The following ATP9B variants were observed in gnomAD, a reference collection of about 807,000 sequenced individuals.
The protein encoded by ATP9B is ATPase phospholipid transporting 9B.
In ATP9B, 110 loss-of-function variants were observed where a neutral mutation model predicts 146.1. The ratio of observed to expected loss-of-function variants is 0.75; its 90% confidence interval spans 0.65 to 0.88. The LOEUF (loss-of-function observed/expected upper bound fraction) is 0.88, where lower values mean the gene tolerates loss of function less well. ATP9B is among the 40% of genes least tolerant of loss of function. The pLI, the probability that ATP9B is intolerant of heterozygous loss-of-function variation, is 0.00. For missense variants in ATP9B, 1,499 were observed against 1,496.4 expected (o/e 1.00, Z -0.03); for synonymous variants, 604 against 569.7 (o/e 1.06, Z -0.86).
At chr18:79,373,806 G>A in intron 27 of ATP9B, 92 bp from the exon 28 acceptor site, 1 of 1,345,794 alleles carries the variant, frequency 7.4e-7, no homozygotes, top group Non-Finnish European at 1.1e-6. Context: ...TATTTTTAAG[G>A]GTCTTGAGTG....
chr18:79,225,569 A>G (rs2095721082), intron 11 of ATP9B, among the ~76,000 whole-genome samples: 1 of 152,174 alleles, frequency 6.6e-6, no homozygotes, highest in African/African-American at 2.4e-5. Context: ...CACTGTCTTC[A>G]GCGTCTGAGT....
chr18:79,339,576 G>A (rs2096847040), intron 19 of ATP9B, among the ~76,000 whole-genome samples: 1 of 151,790 alleles, frequency 6.6e-6, no homozygotes, highest in African/African-American at 2.4e-5. Context: ...GATCGCAGTA[G>A]GAAGTATATC....
At chr18:79,184,065 T>C (rs2095280178) in intron 8 of ATP9B, among the ~76,000 whole-genome samples, 1 of 152,166 alleles carries the variant, frequency 6.6e-6, no homozygotes, top group African/African-American at 2.4e-5. Context: ...TATTTATATG[T>C]TTTCTTTTAT....
At chr18:79,189,603 AG>A (rs2095343357) in intron 8 of ATP9B, among the ~76,000 whole-genome samples, 1 of 152,256 alleles carries the variant, frequency 6.6e-6, no homozygotes, top group Non-Finnish European at 1.5e-5. Context: ...CCTTACAATA[AG>A]GTAAGCTAGA....
At chr18:79,084,609 A>G (rs8086462) in intron 1 of ATP9B, among the ~76,000 whole-genome samples, 5,469 of 152,226 alleles carry the variant, frequency 0.036, 331 homozygotes, top group African/African-American at 0.12. Context: ...CAGCCTAGAT[A>G]TCCACATTGG....
At chr18:79,201,673 A>C (rs1362667459) in intron 9 of ATP9B, among the ~76,000 whole-genome samples, 1 of 152,020 alleles carries the variant, frequency 6.6e-6, no homozygotes, top group Non-Finnish European at 1.5e-5. Flanking sequence ...TTGTTCAAGC[A>C]ATTCTCCTGC....
At chr18:79,161,400 T>C (rs906433684) in intron 7 of ATP9B, among the ~76,000 whole-genome samples, 2 of 152,216 alleles carry the variant, frequency 1.3e-5, no homozygotes, top group Non-Finnish European at 2.9e-5. Flanking sequence ...GCATGCTGGA[T>C]TTTTTATTGT....
intron 15 of ATP9B, among the ~76,000 whole-genome samples, chr18:79,321,322 G>A (rs1464006123): frequency 6.6e-6 from 1 of 152,150 alleles, no homozygotes; most frequent in Non-Finnish European, 1.5e-5. Flanking sequence ...CAGGAGCAAA[G>A]ATGCTAAAAG....
rs114510684 is a variant in ATP9B at position 79,091,813 on chromosome 18, C to T, written c.120-4663C>T. 5.2e-3 allele frequency among the ~76,000 whole-genome samples: 791 copies of T among 152,258 alleles called. 5 individuals carry two copies. The highest frequency in any genetic ancestry group is 0.025 in the South Asian group (119 of 4,830). The stretch of plus-strand genomic sequence containing the variant: ...CTAGCTAGGACTTCCAGTACTATGT[C>T]GAGTAACAGTGGTGACAGTGGGCTG... On this transcript the variant is annotated intron_variant, in intron 1 of 29. Coordinates refer to ENST00000426216, the MANE Select transcript of ATP9B (RefSeq NM_198531.5).
intron 10 of ATP9B, among the ~76,000 whole-genome samples, chr18:79,210,043 C>G (rs2095569725): frequency 6.6e-6 from 1 of 152,154 alleles, no homozygotes; most frequent in South Asian, 2.1e-4. Flanking sequence ...CCCTAGAGTT[C>G]TGAATGCATG....
In ATP9B at chr18:79,362,018, G is replaced by A. The variant is rs145864274; in HGVS notation, c.3012+2556G>A. 381 of 154,744 alleles carry A rather than the reference G, an allele frequency of 2.5e-3. 1 individual carries two copies. The highest frequency in any genetic ancestry group is 6.6e-3 in the South Asian group (32 of 4,864). The allele number at this position is 154,744 out of a possible 1,614,324, so 9.6% of individuals were successfully genotyped here. On this transcript the variant is annotated intron_variant, in intron 26 of 29. Transcript: ENST00000426216. ...GTGAGTAACAACAGCATAAAGGGCC[G>A]CGGACTGAAATGTGAGTGGCTGACC...
intron 12 of ATP9B, among the ~76,000 whole-genome samples, chr18:79,266,427 TC>T (rs781682867): frequency 6.6e-6 from 1 of 152,042 alleles, no homozygotes; most frequent in Non-Finnish European, 1.5e-5. Context: ...TTTTTTTTGT[TC>T]AGTTCTTTGC....
At chr18:79,082,662 G>A (rs775027869) in intron 1 of ATP9B, among the ~76,000 whole-genome samples, 20 of 152,174 alleles carry the variant, frequency 1.3e-4, no homozygotes, top group South Asian at 2.1e-4. Flanking sequence ...AGTCAGGCAC[G>A]TCTGTTGCAG....
intron 15 of ATP9B, among the ~76,000 whole-genome samples, chr18:79,318,937 G>T (rs967005481): frequency 6.6e-6 from 1 of 152,148 alleles, no homozygotes; most frequent in Non-Finnish European, 1.5e-5. Context: ...GGGTGGTGTG[G>T]TCTTCCTTTA....
chr18:79,126,502 A>G, intron 5 of ATP9B, 127 bp downstream of exon 5: 1 of 635,580 alleles, frequency 1.6e-6, no homozygotes, highest in Non-Finnish European at 2.6e-6. Context: ...ATTGTATATG[A>G]TATCTAATTA....
At chr18:79,078,264 G>A (rs1056457514) in intron 1 of ATP9B, 5 of 152,244 alleles carry the variant, frequency 3.3e-5, no homozygotes, top group African/African-American at 1.2e-4. Flanking sequence ...TGGCTGGAGA[G>A]ACCAGACTTT....
intron 13 of ATP9B, among the ~76,000 whole-genome samples, chr18:79,293,841 ATTATT>A (rs1374895492): frequency 6.6e-6 from 1 of 152,236 alleles, no homozygotes; most frequent in African/African-American, 2.4e-5. Context: ...TATATTTTAA[ATTATT>A]TTCAACTAAA....
intron 17 of ATP9B, 66 bp downstream of exon 17, chr18:79,330,170 C>T (rs2147123239): frequency 2.8e-6 from 4 of 1,415,898 alleles, no homozygotes; most frequent in Non-Finnish European, 4.0e-6. Context: ...GAGTGACTCT[C>T]AGCCTGGTTC....
At chr18:79,339,284 G>GATCACAGTAGGAAGTGTGTC (rs1317325847) in intron 19 of ATP9B, among the ~76,000 whole-genome samples, 7 of 150,940 alleles carry the variant, frequency 4.6e-5, no homozygotes, top group African/African-American at 9.7e-5. Flanking sequence ...AGTGTGTCAT[G>GATCACAGTAGGAAGTGTGTC]ATCGTAGTAG....
Sources: allele counts gnomAD v4.1 joint callset (sites outside exome capture counted in the v4.1 genomes callset), GRCh38; gene constraint gnomAD v4.1.1; transcripts MANE v1.5; gene names NCBI Gene and HGNC (gene_info 2026-07-23, HGNC 2026-07-21).